Variants in BET1 observed in about 807,000 individuals in gnomAD.
The protein encoded by BET1 is Bet1 golgi vesicular membrane trafficking protein.
A neutral mutation model predicts 13.9 loss-of-function variants in BET1; 9 were observed. That is an observed-to-expected ratio of 0.65 (90% CI 0.39 to 1.13). The LOEUF (loss-of-function observed/expected upper bound fraction) is 1.13. BET1 is among the 50% of genes most tolerant of loss of function. The probability of loss-of-function intolerance (pLI) is 0.01; values close to 1 mark genes in which losing one functional copy is unlikely to be tolerated. For synonymous variants in BET1, 39 were observed against 47.3 expected (o/e 0.82, Z 0.72); for missense variants, 127 against 133.6 (o/e 0.95, Z 0.24).
At chr7:93,974,855 G>A (rs1033622717) in intron 5 of BET1, among the ~76,000 whole-genome samples, 1 of 151,938 alleles carries the variant, frequency 6.6e-6, no homozygotes, top group Admixed American at 6.6e-5. Context: ...CTTTAGAGTA[G>A]AGAAAACTGG....
chr7:93,972,476 C>A (rs897032570), intron 6 of BET1: 29 of 151,752 alleles, frequency 1.9e-4, no homozygotes, highest in African/African-American at 7.0e-4. Context: ...GATTAAGTGA[C>A]TTTTTTAAAG....
intron 4 of BET1, among the ~76,000 whole-genome samples, chr7:93,985,327 C>T (rs1386075206): frequency 6.6e-6 from 1 of 152,128 alleles, no homozygotes; most frequent in Non-Finnish European, 1.5e-5. Context: ...ATGTGACTTT[C>T]GGTTGTTTAA....
At chr7:93,987,159 C>T (rs1277966931) in intron 4 of BET1, 1 of 151,616 alleles carries the variant, frequency 6.6e-6, no homozygotes, top group Non-Finnish European at 1.5e-5. Context: ...GAATGAAATG[C>T]CTAACTCACC....
Position 94,004,231 on chromosome 7 carries a change from G to A in BET1, c.-15C>T, listed in dbSNP as rs754234397. 1.4e-5 allele frequency: 23 copies of A among 1,613,970 alleles called. No homozygotes were observed. The highest frequency in any genetic ancestry group is 1.9e-5 in the Non-Finnish European group (22 of 1,180,000). On this transcript the variant is annotated 5_prime_UTR_variant, in exon 1 of 4. Coordinates refer to ENST00000222547, the MANE Select transcript of BET1 (RefSeq NM_005868.6). ...GCACGCCTCATCCTGCCAGAGGAGA[G>A]AGAGAAAAGGCGGGTGCGGGGCTTT... is the stretch of plus-strand genomic sequence containing the variant.
At chr7:93,987,203 C>T (rs1326483653) in intron 4 of BET1, 3 of 152,002 alleles carry the variant, frequency 2.0e-5, no homozygotes, top group African/African-American at 7.2e-5. Flanking sequence ...TGATAAACCT[C>T]TCATGCCTTG....
At chr7:93,999,892 T>C (rs563969836) in intron 1 of BET1, among the ~76,000 whole-genome samples, 19 of 152,214 alleles carry the variant, frequency 1.2e-4, no homozygotes, top group African/African-American at 3.9e-4. Context: ...TCAACATATA[T>C]TTGAAGAATT....
downstream of BET1, among the ~76,000 whole-genome samples, chr7:93,988,772 A>T (rs1354091048): frequency 2.0e-5 from 3 of 151,778 alleles, no homozygotes; most frequent in Non-Finnish European, 4.4e-5. Context: ...GTAAAAGACT[A>T]TATTAATACA....
intron 6 of BET1, chr7:93,965,733 C>T (rs1433360638): frequency 6.6e-6 from 1 of 151,902 alleles, no homozygotes; most frequent in Admixed American, 6.6e-5. Context: ...ATAAAATATG[C>T]TAATTTGAAG....
At chr7:93,987,600 G>A (rs913486928) in intron 4 of BET1, among the ~76,000 whole-genome samples, 7 of 152,064 alleles carry the variant, frequency 4.6e-5, no homozygotes, top group African/African-American at 1.2e-4. Flanking sequence ...GAGTAGCCCC[G>A]GGAGCTTCTA....
downstream of BET1, among the ~76,000 whole-genome samples, chr7:93,991,316 A>G (rs1795629073): frequency 6.6e-6 from 1 of 152,190 alleles, no homozygotes; most frequent in African/African-American, 2.4e-5. Flanking sequence ...AAGTTAATTC[A>G]CCAGTTAATT....
At chr7:94,003,477 C>T (rs905329017) in intron 1 of BET1, among the ~76,000 whole-genome samples, 6 of 151,646 alleles carry the variant, frequency 4.0e-5, no homozygotes, top group African/African-American at 1.5e-4. Flanking sequence ...AAATCGTGTC[C>T]TAAGAGAAAG....
chr7:93,968,810 C>T (rs1316264254), intron 6 of BET1, among the ~76,000 whole-genome samples: 1 of 151,776 alleles, frequency 6.6e-6, no homozygotes, highest in Non-Finnish European at 1.5e-5. Flanking sequence ...CACACACATA[C>T]ACACATATAT....
At chr7:93,985,967 T>C (rs991450725) in intron 4 of BET1, among the ~76,000 whole-genome samples, 4 of 152,208 alleles carry the variant, frequency 2.6e-5, no homozygotes, top group African/African-American at 9.6e-5. Flanking sequence ...CCTCCTGTGA[T>C]ACTGAGATTT....
chr7:93,991,575 ATATTT>A (rs1377640064), downstream of BET1: 1 of 158,206 alleles, frequency 6.3e-6, no homozygotes, highest in Non-Finnish European at 1.4e-5. Context: ...CTATTTTTAA[ATATTT>A]TATTTAATTA....
chr7:93,983,337 T>C (rs1168562785), intron 4 of BET1, among the ~76,000 whole-genome samples: 4 of 152,212 alleles, frequency 2.6e-5, no homozygotes, highest in Non-Finnish European at 5.9e-5. Flanking sequence ...GTCTTTAAAA[T>C]ATTATTGCAT....
intron 4 of BET1, among the ~76,000 whole-genome samples, chr7:93,986,251 C>A (rs1409048241): frequency 6.6e-6 from 1 of 152,068 alleles, no homozygotes; most frequent in East Asian, 1.9e-4. Flanking sequence ...ATCTCATTTG[C>A]AATTCAAAAT....
exon 7 of BET1, chr7:93,963,891 C>A (rs1795135283): frequency 6.6e-6 from 1 of 152,002 alleles, no homozygotes; most frequent in African/African-American, 2.4e-5. Context: ...CATAGTGAAA[C>A]CCCGTCTCTA....
At chr7:93,979,685 A>G (rs1264347901) in intron 4 of BET1, among the ~76,000 whole-genome samples, 1 of 152,148 alleles carries the variant, frequency 6.6e-6, no homozygotes, top group Non-Finnish European at 1.5e-5. Context: ...CCCCCAGCAT[A>G]CTGCCATATG....
intron 2 of BET1, among the ~76,000 whole-genome samples, chr7:93,997,329 A>G (rs1795794235): frequency 6.6e-6 from 1 of 152,202 alleles, no homozygotes; most frequent in Non-Finnish European, 1.5e-5. Flanking sequence ...CTCAGAGATA[A>G]TAAAGTAACT....
Sources: allele counts gnomAD v4.1 joint callset (sites outside exome capture counted in the v4.1 genomes callset), GRCh38; gene constraint gnomAD v4.1.1; transcripts MANE v1.5; gene names NCBI Gene and HGNC (gene_info 2026-07-23, HGNC 2026-07-21).